Variants in NDUFAF2 observed in about 807,000 individuals in gnomAD.
NDUFAF2 encodes NADH:ubiquinone oxidoreductase complex assembly factor 2.
Under a neutral mutation model 22.8 loss-of-function variants are expected in NDUFAF2, and 13 were observed. The ratio of observed to expected loss-of-function variants is 0.57; its 90% CI spans 0.37 to 0.91. NDUFAF2 has a LOEUF of 0.91. Ranked by LOEUF, NDUFAF2 falls within the 40% of genes least tolerant of loss-of-function variation. The pLI is 0.01. For synonymous variants in NDUFAF2, 53 were observed against 64.2 expected, an observed-to-expected ratio of 0.83 and a Z score of 0.84; for missense variants, 162 against 195.2, an observed-to-expected ratio of 0.83 and a Z score of 1.01.
chr5:61,040,300 G>GCGCGCGCGCGCT (rs1276666903), intron 1 of NDUFAF2, among the ~76,000 whole-genome samples: 5 of 149,100 alleles, frequency 3.4e-5, no homozygotes, highest in Non-Finnish European at 5.9e-5. Flanking sequence ...GCGCGCGCGC[G>GCGCGCGCGCGCT]CGAAAGTTGA....
At chr5:61,079,908 A>G (rs764591887) in intron 2 of NDUFAF2, among the ~76,000 whole-genome samples, 6 of 152,346 alleles carry the variant, frequency 3.9e-5, no homozygotes, top group South Asian at 2.1e-4. Context: ...AACTCAAAGT[A>G]GTAAACTGGG....
intron 1 of NDUFAF2, among the ~76,000 whole-genome samples, chr5:60,982,462 A>C (rs1750997727): frequency 6.6e-6 from 1 of 151,924 alleles, no homozygotes; most frequent in South Asian, 2.1e-4. Flanking sequence ...GGTTTGTTAC[A>C]TATGTATATA....
At chr5:61,118,076 A>C (rs1407008536) in intron 3 of NDUFAF2, among the ~76,000 whole-genome samples, 1 of 152,098 alleles carries the variant, frequency 6.6e-6, no homozygotes, top group Non-Finnish European at 1.5e-5. Context: ...AAAACTATCT[A>C]CCTGAGAACT....
At chr5:61,129,322 A>G (rs1753078092) in intron 3 of NDUFAF2, among the ~76,000 whole-genome samples, 1 of 152,084 alleles carries the variant, frequency 6.6e-6, no homozygotes, top group Non-Finnish European at 1.5e-5. Flanking sequence ...AAATCATGCT[A>G]CTATAAAGAC....
intron 2 of NDUFAF2, among the ~76,000 whole-genome samples, chr5:61,095,854 T>C (rs1158980230): frequency 6.6e-6 from 1 of 152,214 alleles, no homozygotes; most frequent in Non-Finnish European, 1.5e-5. Context: ...CTTTTCTTCA[T>C]TCTCCAGGGG....
At chr5:61,001,281 G>A (rs1286383400) in intron 1 of NDUFAF2, among the ~76,000 whole-genome samples, 1 of 152,032 alleles carries the variant, frequency 6.6e-6, no homozygotes, top group African/African-American at 2.4e-5. Context: ...GGTTATATTT[G>A]TCTTCTATAT....
intron 1 of NDUFAF2, among the ~76,000 whole-genome samples, chr5:60,956,841 T>C (rs914065168): frequency 6.6e-6 from 1 of 152,194 alleles, no homozygotes; most frequent in African/African-American, 2.4e-5. Context: ...AAACATTATT[T>C]ATAATATCAT....
At chr5:61,001,639 A>T (rs1381928789) in intron 1 of NDUFAF2, among the ~76,000 whole-genome samples, 1 of 152,250 alleles carries the variant, frequency 6.6e-6, no homozygotes, top group East Asian at 1.9e-4. Context: ...AAATCTTATT[A>T]CCTTGTGATG....
chr5:61,107,072 C>CACACACACACAA (rs1217623187), intron 3 of NDUFAF2, among the ~76,000 whole-genome samples: 1 of 150,040 alleles, frequency 6.7e-6, no homozygotes, highest in African/African-American at 2.5e-5. Flanking sequence ...CACACACACA[C>CACACACACACAA]ACACACACAC....
intron 1 of NDUFAF2, among the ~76,000 whole-genome samples, chr5:61,002,648 T>C (rs918653965): frequency 1.3e-5 from 2 of 152,162 alleles, no homozygotes; most frequent in South Asian, 2.1e-4. Context: ...AGATGTACAG[T>C]TGGATACAAT....
chr5:61,093,668 T>C (rs114260952), intron 2 of NDUFAF2, among the ~76,000 whole-genome samples: 20,808 of 152,246 alleles, frequency 0.14, 1,781 homozygotes, highest in South Asian at 0.26. Flanking sequence ...GCTAGTACTT[T>C]GTTGAGGATT....
At chr5:61,106,906 A>G (rs1579833120) in intron 3 of NDUFAF2, among the ~76,000 whole-genome samples, 3 of 151,200 alleles carry the variant, frequency 2.0e-5, no homozygotes, top group Admixed American at 2.0e-4. Context: ...GTGTGTATAT[A>G]TCACATTTTC....
chr5:61,063,224 C>A (rs1561554613), intron 1 of NDUFAF2, among the ~76,000 whole-genome samples: 1 of 151,930 alleles, frequency 6.6e-6, no homozygotes, highest in South Asian at 2.1e-4. Context: ...CCAGGTTGGG[C>A]ATGGTGGCTC....
chr5:61,021,358 G>A (rs1002702122), intron 1 of NDUFAF2, among the ~76,000 whole-genome samples: 5 of 21,516 alleles, frequency 2.3e-4, no homozygotes, highest in African/African-American at 8.1e-4. Flanking sequence ...CAGATCTGTC[G>A]CTGACTCTCA....
rs749677218 is a variant in NDUFAF2, at chr5:61,152,867, A to T, written c.422A>T (p.Glu141Val). 70 of 1,610,652 alleles carry T rather than the reference A, an allele frequency of 4.3e-5. No homozygotes were observed. Among genetic ancestry groups the T allele is most frequent in the Admixed American group, 3.3e-4 (20 of 59,760 alleles). ...GHASAPYFGKEEPSVAPSSTG... is the reference protein window; with the variant it reads ...GHASAPYFGKVEPSVAPSSTG... Reference sequence around the variant, plus strand: ...GCCTCTGCTCCATACTTTGGAAAGGAAGAACCCTCAGTGGCTCCCAGCAGC... The same window carrying T: ...GCCTCTGCTCCATACTTTGGAAAGGTAGAACCCTCAGTGGCTCCCAGCAGC... Residue 141 changes from glutamate to valine, a missense_variant, in exon 4 of 4, where the codon GAA (glutamate) becomes GTA (valine). By Grantham distance (121) the Glu-to-Val change is moderately radical. Transcript: ENST00000296597.
intron 1 of NDUFAF2, among the ~76,000 whole-genome samples, chr5:61,019,808 T>C (rs2112602918): frequency 6.6e-6 from 1 of 152,230 alleles, no homozygotes; most frequent in South Asian, 2.1e-4. Flanking sequence ...TGATTTTTGG[T>C]ATCAGATTAT....
At position 61,105,786 on chromosome 5, in the gene NDUFAF2, T is replaced by C. The variant is rs1223486237; in HGVS notation, c.258+6754T>C. On this transcript the variant is annotated intron_variant, in intron 3 of 3. Coordinates refer to ENST00000296597, the MANE Select transcript of NDUFAF2 (RefSeq NM_174889.5). ...TAATGAAAATGATAGTGAAGGAATT[T>C]ATTTTAAAAGACATAAACCCACAAG... 1.3e-5 allele frequency among the ~76,000 whole-genome samples: 2 copies of C among 151,460 alleles called. 1 individual carries two copies. The highest frequency in any genetic ancestry group is 4.9e-5 in the African/African-American group (2 of 40,792).
chr5:61,089,123 TTAA>T (rs1309656239), intron 2 of NDUFAF2, among the ~76,000 whole-genome samples: 3 of 152,162 alleles, frequency 2.0e-5, no homozygotes, highest in African/African-American at 4.8e-5. Flanking sequence ...AAAGGGTGCT[TTAA>T]TTTGCATACT....
intron 1 of NDUFAF2, among the ~76,000 whole-genome samples, chr5:60,951,752 GTTTGTGAAGAAT>G (rs1750551273): frequency 6.6e-6 from 1 of 151,954 alleles, no homozygotes; most frequent in Admixed American, 6.6e-5. Flanking sequence ...TTCTGGAAGC[GTTTGTGAAGAAT>G]TTGTATTACT....
Sources: allele counts gnomAD v4.1 joint callset (sites outside exome capture counted in the v4.1 genomes callset), GRCh38; gene constraint gnomAD v4.1.1; transcripts MANE v1.5; gene names NCBI Gene and HGNC (gene_info 2026-07-23, HGNC 2026-07-21).